Variants in ERG observed in about 807,000 individuals in gnomAD.
The protein encoded by ERG is ETS transcription factor ERG.
In ERG, 9 loss-of-function variants were observed where a neutral mutation model predicts 55.3. The ratio of observed to expected loss-of-function variants is 0.16; its 90% CI spans 0.10 to 0.28. The LOEUF (loss-of-function observed/expected upper bound fraction) is 0.28. Among genes scored for constraint, ERG ranks in the 10% least tolerant of loss-of-function variants. The pLI, the probability that ERG is intolerant of heterozygous loss-of-function variation, is 1.00. For missense variants in ERG, 434 were observed against 631.6 expected (o/e 0.69, Z 3.35); for synonymous variants, 223 against 237.3 (o/e 0.94, Z 0.55).
At chr21:38,546,980 GGT>G (rs1302964637) in intron 2 of ERG, among the ~76,000 whole-genome samples, 6 of 152,168 alleles carry the variant, frequency 3.9e-5, no homozygotes, top group African/African-American at 1.4e-4. Flanking sequence ...TGTATGAAGT[GGT>G]CCTCAAAGGA....
intron 1 of ERG, among the ~76,000 whole-genome samples, chr21:38,464,261 G>A (rs2059069138): frequency 2.0e-5 from 3 of 152,014 alleles, no homozygotes; most frequent in East Asian, 1.9e-4. Flanking sequence ...TCTGGTTTCC[G>A]TGTTTTTCCT....
intron 3 of ERG, among the ~76,000 whole-genome samples, chr21:38,407,200 C>T (rs536781236): frequency 6.6e-6 from 1 of 152,126 alleles, no homozygotes; most frequent in Non-Finnish European, 1.5e-5. Flanking sequence ...CAAGGATGTT[C>T]TTTGTAGTGT....
At chr21:38,549,028 G>A (rs1044094567) in intron 2 of ERG, among the ~76,000 whole-genome samples, 7 of 151,776 alleles carry the variant, frequency 4.6e-5, no homozygotes, top group African/African-American at 1.7e-4. Context: ...CAGGAGAATG[G>A]CGTGAACCCA....
In ERG at chr21:38,542,488, C is replaced by G. The variant is rs115655006; in HGVS notation, c.-41+33174G>C. 2.0e-3 allele frequency among the ~76,000 whole-genome samples: 311 copies of G among 152,270 alleles called. 2 individuals are homozygous for G. Among genetic ancestry groups the G allele is most frequent in the African/African-American group, 7.1e-3 (294 of 41,560 alleles). ...CAAATGACATCATGACCATGTCAGGCTTAAATGTGTTTATATCAGTTGGGT... is the reference window on the plus strand; with the variant it reads ...CAAATGACATCATGACCATGTCAGGGTTAAATGTGTTTATATCAGTTGGGT... On this transcript the variant is annotated intron_variant, in intron 2 of 8. Transcript: ENST00000398897.
At chr21:38,563,013 A>G (rs1022337328) in intron 2 of ERG, among the ~76,000 whole-genome samples, 1 of 152,230 alleles carries the variant, frequency 6.6e-6, no homozygotes, top group Non-Finnish European at 1.5e-5. Flanking sequence ...ATACCAGATA[A>G]GAAAATCTGA....
intron 1 of ERG, among the ~76,000 whole-genome samples, chr21:38,598,032 C>T (rs1346872868): frequency 6.6e-6 from 1 of 152,174 alleles, no homozygotes; most frequent in African/African-American, 2.4e-5. Flanking sequence ...TCTCAGCAAA[C>T]CAGAGTCACT....
intron 1 of ERG, among the ~76,000 whole-genome samples, chr21:38,612,663 C>CTTTT (rs869196064): frequency 7.2e-6 from 1 of 137,970 alleles, no homozygotes; most frequent in African/African-American, 2.7e-5. Context: ...TTGACATTTC[C>CTTTT]TTTTTTTTTT....
At position 38,391,163 on chromosome 21, in the gene ERG, A is replaced by T. The variant is rs7278050; in HGVS notation, c.872-121T>A. The T allele has an allele frequency of 3.5e-5, 28 of 798,904 alleles. 1 individual carries two copies. The highest frequency in any genetic ancestry group is 2.1e-4 in the African/African-American group (12 of 57,762). 49.5% of individuals were successfully genotyped at this position (798,904 alleles called of 1,614,324 possible). On this transcript the variant is annotated intron_variant, in intron 8 of 9. Transcript: ENST00000288319. The stretch of plus-strand genomic sequence containing the variant: ...ATTTCAGAGCCGAAAATGTCCTCCA[A>T]CTCCAAATCAACTGCCTCCACCTCC...
intron 9 of ERG, among the ~76,000 whole-genome samples, chr21:38,385,016 T>C (rs1471755646): frequency 6.6e-6 from 1 of 152,198 alleles, no homozygotes; most frequent in African/African-American, 2.4e-5. Flanking sequence ...GGAAGCTGAA[T>C]GAGACTCTTC....
intron 2 of ERG, among the ~76,000 whole-genome samples, chr21:38,547,740 C>G (rs972691992): frequency 1.3e-5 from 2 of 152,228 alleles, no homozygotes; most frequent in African/African-American, 2.4e-5. Context: ...AAATGATGCC[C>G]TTAGCCCAGT....
At chr21:38,568,606 C>T (rs2146850027) in intron 2 of ERG, among the ~76,000 whole-genome samples, 1 of 152,282 alleles carries the variant, frequency 6.6e-6, no homozygotes, top group South Asian at 2.1e-4. Context: ...TAGTCCTTCC[C>T]CACATGTGAA....
At chr21:38,408,717 C>T (rs1601350985) in intron 3 of ERG, among the ~76,000 whole-genome samples, 1 of 152,206 alleles carries the variant, frequency 6.6e-6, no homozygotes, top group Non-Finnish European at 1.5e-5. Flanking sequence ...TTTATGGCTT[C>T]TGTCACACCA....
chr21:38,404,411 C>G (rs764533436), intron 3 of ERG, among the ~76,000 whole-genome samples: 1 of 152,114 alleles, frequency 6.6e-6, no homozygotes, highest in Non-Finnish European at 1.5e-5. Context: ...AAACACCCCA[C>G]AGGATGCAGG....
intron 2 of ERG, among the ~76,000 whole-genome samples, chr21:38,558,682 A>G (rs143404606): frequency 1.3e-3 from 200 of 152,352 alleles, no homozygotes; most frequent in African/African-American, 4.4e-3. Flanking sequence ...TCACGTATCA[A>G]TAAGGAAAGC....
At chr21:38,479,530 G>A (rs1357209221) in intron 1 of ERG, among the ~76,000 whole-genome samples, 4 of 152,200 alleles carry the variant, frequency 2.6e-5, no homozygotes, top group Admixed American at 6.5e-5. Flanking sequence ...ATCCTCATAA[G>A]AGGCTGAGCA....
At chr21:38,632,626 G>A (rs530497586) in intron 1 of ERG, among the ~76,000 whole-genome samples, 18 of 152,172 alleles carry the variant, frequency 1.2e-4, no homozygotes, top group African/African-American at 4.1e-4. Flanking sequence ...TCTCTCTCTC[G>A]CCTGCTGCCA....
intron 2 of ERG, among the ~76,000 whole-genome samples, chr21:38,504,311 C>G (rs1184624710): frequency 3.9e-5 from 6 of 152,186 alleles, no homozygotes; most frequent in African/African-American, 1.4e-4. Flanking sequence ...AACACAATTT[C>G]ATAAGCATCC....
intron 2 of ERG, among the ~76,000 whole-genome samples, chr21:38,560,517 C>G (rs925813601): frequency 6.6e-6 from 1 of 152,190 alleles, no homozygotes. Context: ...AAATCTGTAC[C>G]TGGTCTGAGG....
chr21:38,505,613 G>A (rs763722953), intron 2 of ERG, among the ~76,000 whole-genome samples: 13 of 152,206 alleles, frequency 8.5e-5, no homozygotes, highest in African/African-American at 3.1e-4. Flanking sequence ...TGTTCTTTCT[G>A]AGTGGACTGG....
Sources: allele counts gnomAD v4.1 joint callset (sites outside exome capture counted in the v4.1 genomes callset), GRCh38; gene constraint gnomAD v4.1.1; transcripts MANE v1.5; gene names NCBI Gene and HGNC (gene_info 2026-07-23, HGNC 2026-07-21).